Variants in ITPR2 observed in about 807,000 individuals in gnomAD.
ITPR2 encodes the protein inositol 1,4,5-trisphosphate receptor type 2.
ITPR2 carries 207 observed loss-of-function variants against 317.1 expected under a neutral mutation model. The ratio of observed to expected loss-of-function variants is 0.65; its 90% CI spans 0.58 to 0.73. ITPR2 has a LOEUF of 0.73. Among genes scored for constraint, ITPR2 ranks in the 30% least tolerant of loss-of-function variants. ITPR2 has a pLI of 0.00. For missense variants in ITPR2, 2,613 were observed against 3,284.0 expected (o/e 0.80, Z 4.99); for synonymous variants, 1,156 against 1,149.1 (o/e 1.01, Z -0.12).
chr12:26,364,078 T>G (rs1298876464), intron 55 of ITPR2, among the ~76,000 whole-genome samples: 1 of 152,148 alleles, frequency 6.6e-6, no homozygotes, highest in Non-Finnish European at 1.5e-5. Flanking sequence ...TGCCTGTTCC[T>G]CAGAGAAGAT....
chr12:26,713,007 G>A lies in ITPR2; in HGVS notation c.856-1739C>T, dbSNP rs536757209. 3.9e-5 allele frequency among the ~76,000 whole-genome samples: 6 copies of A among 152,320 alleles called. No homozygotes were observed. In the East Asian group the frequency reaches 7.7e-4, roughly 20 times the overall value. On this transcript the variant is annotated intron_variant, in intron 8 of 56. Transcript: ENST00000381340. ...ACAGGGGCTGAAAGCCTCACCCAGC[G>A]GGGCTCTGAGGACATTCCCGTTAGA...
chr12:26,498,562 G>A (rs1334154525), intron 37 of ITPR2, among the ~76,000 whole-genome samples: 2 of 152,200 alleles, frequency 1.3e-5, no homozygotes, highest in Admixed American at 1.3e-4. Flanking sequence ...AGAAAAATAT[G>A]AGGTCACATT....
intron 35 of ITPR2, among the ~76,000 whole-genome samples, chr12:26,560,361 A>G (rs978739803): frequency 6.6e-6 from 1 of 151,848 alleles, no homozygotes; most frequent in African/African-American, 2.4e-5. Context: ...TGCTCCAACT[A>G]TTATCTTCAA....
At chr12:26,447,187 T>A (rs983818681) in intron 45 of ITPR2, among the ~76,000 whole-genome samples, 7 of 151,008 alleles carry the variant, frequency 4.6e-5, no homozygotes, top group Non-Finnish European at 8.8e-5. Context: ...ATGGGCTAGT[T>A]AATAACATAT....
Position 26,597,096 on chromosome 12 carries a change from A to G in ITPR2, c.4041T>C (p.Asn1347=), listed in dbSNP as rs778698721. ...GAAGGATTGGAAATGATGCTCTATC[A>G]TTGTAAAATATCAGCACGTCTTCAC... ...NGGEDVLIFY[N]DRASFPILLH... Residue 1347 remains asparagine, a synonymous_variant, in exon 31 of 57, where the codon AAT becomes AAC. Transcript: ENST00000381340. 1.9e-6 allele frequency: 3 copies of G among 1,614,044 alleles called. No homozygotes were observed. The highest frequency in any genetic ancestry group is 1.7e-6 in the Non-Finnish European group (2 of 1,179,960).
intron 1 of ITPR2, among the ~76,000 whole-genome samples, chr12:26,811,948 G>C (rs140196726): frequency 6.6e-6 from 1 of 151,108 alleles, no homozygotes; most frequent in African/African-American, 2.4e-5. Flanking sequence ...GATCACTTGA[G>C]GCCAGGAGTT....
At chr12:26,670,094 T>A (rs552276685) in intron 13 of ITPR2, among the ~76,000 whole-genome samples, 23 of 152,348 alleles carry the variant, frequency 1.5e-4, no homozygotes, top group Admixed American at 6.5e-4. Context: ...CCTGCCTGCC[T>A]CTGTAGGCTC....
chr12:26,712,743 C>T (rs1191588081), intron 8 of ITPR2, among the ~76,000 whole-genome samples: 1 of 152,202 alleles, frequency 6.6e-6, no homozygotes, highest in East Asian at 1.9e-4. Context: ...AAGAACTACT[C>T]TCCTATACAT....
At chr12:26,388,537 T>C (rs1165533973) in intron 54 of ITPR2, among the ~76,000 whole-genome samples, 1 of 152,112 alleles carries the variant, frequency 6.6e-6, no homozygotes, top group Non-Finnish European at 1.5e-5. Flanking sequence ...CAATGCAGAC[T>C]CAACCTCCCA....
chr12:26,574,230 AC>A (rs1389647289), intron 34 of ITPR2, among the ~76,000 whole-genome samples: 2 of 151,748 alleles, frequency 1.3e-5, no homozygotes, highest in Non-Finnish European at 1.5e-5. Context: ...AAAAAAAAAA[AC>A]AGCCTATTCT....
intron 55 of ITPR2, among the ~76,000 whole-genome samples, chr12:26,346,420 C>T (rs1447293999): frequency 4.6e-5 from 7 of 152,058 alleles, no homozygotes; most frequent in Admixed American, 1.3e-4. Flanking sequence ...GTCAGGAGTT[C>T]GAGACCAGCC....
chr12:26,505,455 C>T (rs945431582), intron 37 of ITPR2, among the ~76,000 whole-genome samples: 3 of 152,156 alleles, frequency 2.0e-5, no homozygotes, highest in South Asian at 2.1e-4. Context: ...TTCTGTCCCC[C>T]GACCCTGAGT....
intron 1 of ITPR2, among the ~76,000 whole-genome samples, chr12:26,830,570 T>C (rs1468076737): frequency 6.6e-6 from 1 of 152,216 alleles, no homozygotes; most frequent in African/African-American, 2.4e-5. Flanking sequence ...TTAACCTCAA[T>C]TCCTAATCTC....
intron 55 of ITPR2, among the ~76,000 whole-genome samples, chr12:26,349,441 G>A (rs1442070909): frequency 6.6e-6 from 1 of 152,218 alleles, no homozygotes; most frequent in African/African-American, 2.4e-5. Flanking sequence ...AATTTGAAAT[G>A]TGTTAGTTAC....
At chr12:26,523,842 G>T (rs1235912424) in intron 37 of ITPR2, among the ~76,000 whole-genome samples, 1 of 152,184 alleles carries the variant, frequency 6.6e-6, no homozygotes, top group Non-Finnish European at 1.5e-5. Flanking sequence ...TGCACAACAC[G>T]TGACGTGTCT....
intron 45 of ITPR2, among the ~76,000 whole-genome samples, chr12:26,465,980 G>A (rs1942161813): frequency 1.3e-5 from 2 of 152,150 alleles, no homozygotes; most frequent in African/African-American, 4.8e-5. Flanking sequence ...ACATACCTGG[G>A]CAAGTAGGAT....
intron 33 of ITPR2, among the ~76,000 whole-genome samples, chr12:26,579,124 C>A (rs1330794761): frequency 6.6e-6 from 1 of 151,986 alleles, no homozygotes; most frequent in Non-Finnish European, 1.5e-5. Flanking sequence ...CTTTTATAAT[C>A]CATGGTTTAT....
intron 1 of ITPR2, among the ~76,000 whole-genome samples, chr12:26,824,009 A>C (rs1180401550): frequency 6.6e-6 from 1 of 152,182 alleles, no homozygotes; most frequent in Non-Finnish European, 1.5e-5. Flanking sequence ...AATACTCTTC[A>C]ACTTACAATG....
chr12:26,474,362 T>G (rs931016404), intron 45 of ITPR2, among the ~76,000 whole-genome samples: 3 of 152,214 alleles, frequency 2.0e-5, no homozygotes, highest in Admixed American at 2.0e-4. Context: ...CAAATGCACA[T>G]TTAAAATGTT....
Sources: gnomAD v4.1 joint callset for allele counts (sites outside exome capture counted in the v4.1 genomes callset) on GRCh38, gnomAD v4.1.1 for gene constraint, MANE v1.5 for transcripts, NCBI Gene and HGNC (gene_info 2026-07-23, HGNC 2026-07-21) for gene names.